GMNN: variants seen among roughly 807,000 people sequenced by gnomAD.
GMNN encodes geminin DNA replication inhibitor.
Under a neutral mutation model 20.9 loss-of-function variants are expected in GMNN, and 14 were observed. That is an observed-to-expected ratio of 0.67 (90% confidence interval 0.44 to 1.05). The LOEUF (loss-of-function observed/expected upper bound fraction) is 1.05, where lower values mean the gene tolerates loss of function less well. GMNN is among the 50% of genes least tolerant of loss of function. The pLI is 0.00. For missense variants in GMNN, 227 were observed against 243.8 expected (o/e 0.93, Z 0.46); for synonymous variants, 81 against 85.8 (o/e 0.94, Z 0.31).
Position 24,777,257 on chromosome 6 carries a change from G to A in GMNN, c.11G>A (p.Ser4Asn), listed in dbSNP as rs1780096909. The change falls in exon 2 of 7, where the codon AGT becomes AAT. Residue 4 changes from serine (S) to asparagine (N), a missense_variant. Coordinates refer to ENST00000230056, the MANE Select transcript of GMNN (RefSeq NM_015895.5). MNP[S>N]MKQKQEEIKE... ...TTCACCATCTACATAATGAATCCCAGTATGAAGCAGAAACAAGAAGAAATC... is the reference window on the plus strand; with the variant it reads ...TTCACCATCTACATAATGAATCCCAATATGAAGCAGAAACAAGAAGAAATC... 1.4e-6 allele frequency: 2 copies of A among 1,408,448 alleles called. No individual in the cohort carries two copies. Among genetic ancestry groups the A allele is most frequent in the African/African-American group, 1.5e-5 (1 of 68,490 alleles). 87.2% of individuals were successfully genotyped at this position (1,408,448 alleles called of 1,614,324 possible).
At chr6:24,777,774 T>TCTC (rs1780112499) in intron 2 of GMNN, 1 of 152,212 alleles carries the variant, frequency 6.6e-6, no homozygotes, top group Non-Finnish European at 1.5e-5. Flanking sequence ...TCTGTGAAGA[T>TCTC]TCCAGAAGTA....
In GMNN at chr6:24,776,120, C is replaced by T. The variant is rs1240057307; in HGVS notation, c.-26+876C>T. Reference sequence around the variant, plus strand: ...TTCTAAGCTTTTTTTTTTTTTGAGACGGAGTCTCGCTCTGTTGCCCAGGCT... The same window carrying T: ...TTCTAAGCTTTTTTTTTTTTTGAGATGGAGTCTCGCTCTGTTGCCCAGGCT... On this transcript the variant is annotated intron_variant, in intron 1 of 6. Coordinates refer to ENST00000230056, the MANE Select transcript of GMNN (RefSeq NM_015895.5). 6.0e-5 allele frequency among the ~76,000 whole-genome samples: 9 copies of T among 150,782 alleles called. No individual in the cohort carries two copies. The East Asian group carries it at 9.8e-4, about 16-fold the overall frequency.
At chr6:24,779,400 C>A (rs1241322850) in intron 2 of GMNN, among the ~76,000 whole-genome samples, 1 of 151,972 alleles carries the variant, frequency 6.6e-6, no homozygotes, top group African/African-American at 2.4e-5. Flanking sequence ...CTTCTTTGAC[C>A]ATTATTAACA....
chr6:24,776,798 C>G (rs1270939949), intron 1 of GMNN: 1 of 152,666 alleles, frequency 6.6e-6, no homozygotes, highest in African/African-American at 2.4e-5. Flanking sequence ...GATATTAAGT[C>G]TGTGTTAAGT....
intron 1 of GMNN, chr6:24,775,581 C>T (rs2113567806): frequency 6.6e-6 from 1 of 152,386 alleles, no homozygotes; most frequent in Admixed American, 6.5e-5. Context: ...GTGGCTGGTC[C>T]TGATCTGAGG....
Position 24,776,102 on chromosome 6 carries a change from C to CT in GMNN, c.-26+871dup, listed in dbSNP as rs11304140. ...AAATTAGATTGTTTTGTTTTCTAAGCTTTTTTTTTTTTTGAGACGGAGTCT... is the reference window on the plus strand; with the variant it reads ...AAATTAGATTGTTTTGTTTTCTAAGCTTTTTTTTTTTTTTGAGACGGAGTCT... On this transcript the variant is annotated intron_variant, in intron 1 of 6. Coordinates refer to ENST00000230056, the MANE Select transcript of GMNN (RefSeq NM_015895.5). Among the ~76,000 whole-genome samples the CT allele has an allele frequency of 2.7e-3, 385 of 144,912 alleles. 1 individual carries two copies. Among genetic ancestry groups the CT allele is most frequent in the African/African-American group, 4.5e-3 (178 of 39,882 alleles).
intron 4 of GMNN, among the ~76,000 whole-genome samples, chr6:24,782,797 T>G (rs773621797): frequency 1.6e-4 from 24 of 152,056 alleles, no homozygotes; most frequent in Non-Finnish European, 2.8e-4. Context: ...ATGGTAAAAA[T>G]TAAAATAACT....
chr6:24,778,133 C>T (rs1780121612), intron 2 of GMNN, among the ~76,000 whole-genome samples: 1 of 152,196 alleles, frequency 6.6e-6, no homozygotes, highest in East Asian at 1.9e-4. Flanking sequence ...CTAGGTCCTT[C>T]CACACAACTT....
intron 3 of GMNN, 51 bp downstream of exon 3, chr6:24,780,791 G>A (rs919367671): frequency 4.7e-6 from 4 of 849,094 alleles, no homozygotes; most frequent in South Asian, 2.8e-5. Context: ...TGTCTACATC[G>A]AAAACATTTC....
At chr6:24,780,412 C>A (rs1780178436) in intron 2 of GMNN, among the ~76,000 whole-genome samples, 1 of 152,208 alleles carries the variant, frequency 6.6e-6, no homozygotes, top group Non-Finnish European at 1.5e-5. Context: ...TAATATGATT[C>A]ATTCTTAAGA....
intron 2 of GMNN, chr6:24,777,506 G>T: frequency 6.0e-6 from 2 of 334,194 alleles, no homozygotes; most frequent in South Asian, 1.1e-4. Flanking sequence ...CTCTTATTTT[G>T]GTCTTTCAAC....
chr6:24,776,467 A>G (rs1339412196), intron 1 of GMNN, among the ~76,000 whole-genome samples: 1 of 152,166 alleles, frequency 6.6e-6, no homozygotes, highest in Non-Finnish European at 1.5e-5. Context: ...TTGTTTGCAC[A>G]TGTGTGTGCA....
chr6:24,785,622 G>A lies in GMNN; in HGVS notation c.469-16G>A, dbSNP rs1780332703. ...TTAACATTTTTACAATAAATTATTGGTTTATTCTTTAAAAGAGACTGAATG... is the reference window on the plus strand; with the variant it reads ...TTAACATTTTTACAATAAATTATTGATTTATTCTTTAAAAGAGACTGAATG... On this transcript the variant is annotated splice_polypyrimidine_tract_variant and intron_variant, in intron 6 of 6. Coordinates refer to ENST00000230056, the MANE Select transcript of GMNN (RefSeq NM_015895.5). The A allele has an allele frequency of 7.5e-7, 1 of 1,334,590 alleles. No individual in the cohort carries two copies. Among genetic ancestry groups the A allele is most frequent in the Non-Finnish European group, 1.1e-6 (1 of 948,672 alleles). 82.7% of individuals were successfully genotyped at this position (1,334,590 alleles called of 1,614,324 possible).
chr6:24,778,912 A>G (rs1288686984), intron 2 of GMNN, among the ~76,000 whole-genome samples: 2 of 152,234 alleles, frequency 1.3e-5, no homozygotes, highest in African/African-American at 4.8e-5. Context: ...CAAATAATTT[A>G]TATATTTCCA....
intron 1 of GMNN, among the ~76,000 whole-genome samples, chr6:24,775,977 G>T (rs184758773): frequency 5.1e-4 from 78 of 152,272 alleles, no homozygotes; most frequent in African/African-American, 1.8e-3. Context: ...CACGGCCCGC[G>T]ACCCGCAGTT....
At chr6:24,775,784 G>A (rs1780051047) in intron 1 of GMNN, 1 of 152,242 alleles carries the variant, frequency 6.6e-6, no homozygotes, top group African/African-American at 2.4e-5. Context: ...ACTTGTGAAG[G>A]ATTAGAATGC....
At chr6:24,779,947 G>T (rs1581427601) in intron 2 of GMNN, among the ~76,000 whole-genome samples, 1 of 152,140 alleles carries the variant, frequency 6.6e-6, no homozygotes, top group Non-Finnish European at 1.5e-5. Context: ...AATGGTTGAG[G>T]GGGGATGTCT....
At chr6:24,784,618 A>G in intron 6 of GMNN, 64 bp downstream of exon 6, 1 of 723,784 alleles carries the variant, frequency 1.4e-6, no homozygotes, top group African/African-American at 1.8e-5. Flanking sequence ...GAGGTAGTGT[A>G]GTGTGATCAC....
Position 24,780,254 on chromosome 6 carries a change from A to C in GMNN, c.52-409A>C, listed in dbSNP as rs544809082. Among the ~76,000 whole-genome samples, 7 of 152,322 alleles carry C rather than the reference A, an allele frequency of 4.6e-5. No homozygotes were observed. The East Asian group carries it at 1.3e-3, about 29-fold the overall frequency. On this transcript the variant is annotated intron_variant, in intron 2 of 6. Coordinates refer to ENST00000230056, the MANE Select transcript of GMNN (RefSeq NM_015895.5). ...AGAATACAGATAGCCTTCTTGTATT[A>C]GAATTTTGTCATATGTGGTTTGAAA...
Sources: gnomAD v4.1 joint callset for allele counts (sites outside exome capture counted in the v4.1 genomes callset) on GRCh38, gnomAD v4.1.1 for gene constraint, MANE v1.5 for transcripts, NCBI Gene and HGNC (gene_info 2026-07-23, HGNC 2026-07-21) for gene names.